The following ATE1 variants were observed in gnomAD, a reference collection of about 807,000 sequenced individuals.
ATE1 encodes arginyl-tRNA--protein transferase 1.
ATE1 carries 36 observed loss-of-function variants against 70.5 expected under a neutral mutation model. That is an observed-to-expected ratio of 0.51 (90% CI 0.39 to 0.67). ATE1 has a LOEUF of 0.67. Ranked by LOEUF, ATE1 falls within the 30% of genes least tolerant of loss-of-function variation. ATE1 has a pLI of 0.00. For synonymous variants in ATE1, 232 were observed against 219.3 expected (o/e 1.06, Z -0.51); for missense variants, 593 against 629.5 (o/e 0.94, Z 0.62).
chr10:121,804,313 GTTC>G (rs1947008498), intron 10 of ATE1, among the ~76,000 whole-genome samples: 1 of 152,100 alleles, frequency 6.6e-6, no homozygotes, highest in African/African-American at 2.4e-5. Flanking sequence ...TTAAAATAAA[GTTC>G]TTCTACAATG....
At chr10:121,772,594 C>T (rs1945567338) in intron 11 of ATE1, among the ~76,000 whole-genome samples, 1 of 152,164 alleles carries the variant, frequency 6.6e-6, no homozygotes, top group South Asian at 2.1e-4. Flanking sequence ...TCTGTGTTTG[C>T]TTCTCCAGAG....
chr10:121,767,879 T>C (rs928734804), intron 11 of ATE1, among the ~76,000 whole-genome samples: 3 of 152,112 alleles, frequency 2.0e-5, no homozygotes, highest in African/African-American at 2.4e-5. Flanking sequence ...TAGGAGTATA[T>C]ACAAAAGAAA....
chr10:121,854,470 G>C (rs1031576420), intron 8 of ATE1, among the ~76,000 whole-genome samples: 3 of 152,136 alleles, frequency 2.0e-5, no homozygotes, highest in Non-Finnish European at 4.4e-5. Flanking sequence ...AGACTAGATG[G>C]AGCTAAGTAA....
chr10:121,803,571 A>G (rs991936093), intron 10 of ATE1, among the ~76,000 whole-genome samples: 2 of 152,240 alleles, frequency 1.3e-5, no homozygotes, highest in Non-Finnish European at 2.9e-5. Flanking sequence ...CTGTCCCCTC[A>G]GAAACAAATT....
intron 7 of ATE1, among the ~76,000 whole-genome samples, chr10:121,892,819 T>C (rs1302816764): frequency 6.6e-6 from 1 of 152,146 alleles, no homozygotes; most frequent in African/African-American, 2.4e-5. Context: ...CCAGCCTCAG[T>C]GGTAAACATT....
chr10:121,765,931 A>G (rs1182119812), intron 11 of ATE1, among the ~76,000 whole-genome samples: 1 of 152,228 alleles, frequency 6.6e-6, no homozygotes, highest in African/African-American at 2.4e-5. Context: ...AGGAAGACAG[A>G]TATTGATGGT....
chr10:121,835,676 T>G (rs561641975), intron 10 of ATE1, among the ~76,000 whole-genome samples: 1 of 152,158 alleles, frequency 6.6e-6, no homozygotes, highest in African/African-American at 2.4e-5. Context: ...TCTAGGTATA[T>G]GATGAAATTG....
intron 8 of ATE1, among the ~76,000 whole-genome samples, chr10:121,869,286 T>A (rs1949769954): frequency 6.6e-6 from 1 of 152,238 alleles, no homozygotes; most frequent in Non-Finnish European, 1.5e-5. Context: ...CGGTTTCGGT[T>A]CTAAGTCCCA....
chr10:121,873,333 T>C (rs1949925109), intron 7 of ATE1, among the ~76,000 whole-genome samples: 1 of 152,134 alleles, frequency 6.6e-6, no homozygotes, highest in Non-Finnish European at 1.5e-5. Flanking sequence ...TCTAGGCCTC[T>C]AAAAAGAAAA....
intron 1 of ATE1, among the ~76,000 whole-genome samples, chr10:121,926,446 T>C (rs375867820): frequency 4.6e-5 from 7 of 152,230 alleles, no homozygotes; most frequent in East Asian, 1.9e-4. Flanking sequence ...AGATGCCCCA[T>C]AATAAAGAGT....
At chr10:121,811,892 A>G (rs1335856283) in intron 10 of ATE1, among the ~76,000 whole-genome samples, 3 of 151,760 alleles carry the variant, frequency 2.0e-5, no homozygotes, top group Non-Finnish European at 2.9e-5. Context: ...ATACTGGAAT[A>G]TAAGACCTTG....
chr10:121,851,552 T>C (rs991092780), intron 8 of ATE1, among the ~76,000 whole-genome samples: 2 of 152,194 alleles, frequency 1.3e-5, no homozygotes, highest in African/African-American at 4.8e-5. Context: ...TTGCAGACTA[T>C]AAAAAGTCTA....
At chr10:121,902,875 C>CTTT (rs1032056871) in intron 5 of ATE1, among the ~76,000 whole-genome samples, 1 of 151,274 alleles carries the variant, frequency 6.6e-6, no homozygotes, top group African/African-American at 2.4e-5. Flanking sequence ...TCTTTTTTTT[C>CTTT]TTTTTTTTGA....
intron 9 of ATE1, among the ~76,000 whole-genome samples, chr10:121,837,728 A>G (rs1948480500): frequency 6.6e-6 from 1 of 152,194 alleles, no homozygotes. Flanking sequence ...TTAAATTAAA[A>G]TTATTTCTAA....
chr10:121,924,858 C>T (rs1287288778), intron 1 of ATE1, among the ~76,000 whole-genome samples: 3 of 31,380 alleles, frequency 9.6e-5, no homozygotes, highest in African/African-American at 1.6e-4. Context: ...AAAAACACAT[C>T]GAAGTTAATT....
intron 10 of ATE1, among the ~76,000 whole-genome samples, chr10:121,812,187 C>G (rs1345987366): frequency 2.0e-5 from 3 of 151,918 alleles, no homozygotes; most frequent in African/African-American, 7.3e-5. Context: ...AACTCGTAAG[C>G]TCAGGCGATC....
chr10:121,862,201 G>A (rs947610004), intron 8 of ATE1, among the ~76,000 whole-genome samples: 3 of 152,064 alleles, frequency 2.0e-5, no homozygotes, highest in African/African-American at 7.2e-5. Flanking sequence ...TCAGCTTAAC[G>A]ACTCAACCTT....
At chr10:121,896,550 T>G (rs1020907052) in intron 7 of ATE1, among the ~76,000 whole-genome samples, 4 of 152,148 alleles carry the variant, frequency 2.6e-5, no homozygotes, top group Admixed American at 6.5e-5. Context: ...AGTCCACACC[T>G]GTAATCCCAG....
At chr10:121,795,158 C>T (rs1288528223) in intron 10 of ATE1, among the ~76,000 whole-genome samples, 1 of 152,098 alleles carries the variant, frequency 6.6e-6, no homozygotes, top group Non-Finnish European at 1.5e-5. Flanking sequence ...TGAGGCACAA[C>T]AATCGCTTGA....
Sources: gnomAD v4.1 joint callset for allele counts (sites outside exome capture counted in the v4.1 genomes callset) on GRCh38, gnomAD v4.1.1 for gene constraint, MANE v1.5 for transcripts, NCBI Gene and HGNC (gene_info 2026-07-23, HGNC 2026-07-21) for gene names.